The following GPHN variants were observed in gnomAD, a reference collection of about 807,000 sequenced individuals.
The protein encoded by GPHN is gephyrin.
In GPHN, 17 loss-of-function variants were observed where a neutral mutation model predicts 95.5. The observed-to-expected ratio is 0.18, with a 90% confidence interval of 0.12 to 0.27. GPHN has a LOEUF of 0.27. GPHN is among the 10% of genes least tolerant of loss of function. GPHN has a pLI of 1.00. For synonymous variants in GPHN, 320 were observed against 322.5 expected, an observed-to-expected ratio of 0.99 and a Z score of 0.08; for missense variants, 660 against 978.1, an observed-to-expected ratio of 0.67 and a Z score of 4.34.
At chr14:66,968,664 T>C (rs1799462730) in intron 9 of GPHN, among the ~76,000 whole-genome samples, 1 of 152,140 alleles carries the variant, frequency 6.6e-6, no homozygotes, top group Admixed American at 6.5e-5. Context: ...ATTAAGCAAG[T>C]TACTTAACTT....
intron 2 of GPHN, among the ~76,000 whole-genome samples, chr14:66,755,799 A>T (rs923257485): frequency 3.9e-5 from 6 of 152,180 alleles, no homozygotes; most frequent in Non-Finnish European, 8.8e-5. Flanking sequence ...ACTAATTTAA[A>T]TGCATTGTGC....
At chr14:66,967,403 G>A (rs949332399) in intron 9 of GPHN, among the ~76,000 whole-genome samples, 23 of 151,888 alleles carry the variant, frequency 1.5e-4, no homozygotes, top group Non-Finnish European at 3.1e-4. Context: ...TCTAAACTAG[G>A]TGCTTTTATA....
intron 20 of GPHN, 51 bp downstream of exon 20, chr14:67,165,277 T>A (rs1039023204): frequency 2.7e-5 from 34 of 1,255,512 alleles, no homozygotes; most frequent in Admixed American, 5.1e-5. Flanking sequence ...ATAGCCAAAA[T>A]TTTTTGGACT....
chr14:66,999,622 T>A (rs932032683), intron 9 of GPHN, among the ~76,000 whole-genome samples: 9 of 151,790 alleles, frequency 5.9e-5, no homozygotes, highest in African/African-American at 2.2e-4. Context: ...GAGATCAGTG[T>A]CTCATACAGT....
chr14:66,944,737 C>A (rs908519948), intron 8 of GPHN, among the ~76,000 whole-genome samples: 1 of 152,232 alleles, frequency 6.6e-6, no homozygotes, highest in Non-Finnish European at 1.5e-5. Context: ...TATTCTTATG[C>A]AAATAAGTTC....
Position 67,181,118 on chromosome 14 carries a change from A to C in GPHN, c.*181A>C. 1.5e-6 allele frequency: 1 copy of C among 674,770 alleles called. No individual in the cohort carries two copies. Among genetic ancestry groups the C allele is most frequent in the Non-Finnish European group, 2.5e-6 (1 of 403,684 alleles). The allele number at this position is 674,770 out of a possible 1,614,324, so 41.8% of individuals were successfully genotyped here. On this transcript the variant is annotated 3_prime_UTR_variant, in exon 23 of 23. Coordinates refer to ENST00000478722, the MANE Select transcript of GPHN (RefSeq NM_020806.5). Reference sequence around the variant, plus strand: ...TAAAGAAAAAAACACCTAAAAATAAATCTTAACAGAAAATTCTGTTCTGAT... The same window carrying C: ...TAAAGAAAAAAACACCTAAAAATAACTCTTAACAGAAAATTCTGTTCTGAT...
At chr14:66,836,334 C>A (rs1490464572) in intron 4 of GPHN, among the ~76,000 whole-genome samples, 13 of 138,120 alleles carry the variant, frequency 9.4e-5, no homozygotes, top group African/African-American at 3.6e-4. Context: ...GAAAAACAAG[C>A]AATGGGGAAA....
Position 66,877,292 on chromosome 14 carries a change from C to G in GPHN, c.295-2647C>G, listed in dbSNP as rs1015367097. Among the ~76,000 whole-genome samples the G allele has an allele frequency of 5.9e-5, 9 of 152,172 alleles. No individual in the cohort carries two copies. In the South Asian group the frequency reaches 6.2e-4, roughly 10 times the overall value. On this transcript the variant is annotated intron_variant, in intron 4 of 22. Coordinates refer to ENST00000478722, the MANE Select transcript of GPHN (RefSeq NM_020806.5). ...CACAGCCAATATCATACTGATTGGG[C>G]AAAAGCTGGAAGCATTCTCTTTGAA... is the stretch of plus-strand genomic sequence containing the variant.
chr14:67,336,555 A>T, the GPHN span: 2 of 357,090 alleles, frequency 5.6e-6, no homozygotes, highest in South Asian at 4.4e-5. Context: ...GAAAACCACT[A>T]ATCTGGATCC....
At chr14:67,509,153 A>G in the GPHN span, among the ~76,000 whole-genome samples, 1 of 152,296 alleles carries the variant, frequency 6.6e-6, no homozygotes, top group South Asian at 2.1e-4. Context: ...TTCCTATGCC[A>G]AGCAGAAAGC....
intron 18 of GPHN, 54 bp from the exon 19 acceptor site, chr14:67,159,361 A>G: frequency 1.0e-6 from 1 of 981,698 alleles, no homozygotes; most frequent in Non-Finnish European, 1.7e-6. Flanking sequence ...TAAAGTGTTG[A>G]AAGTCTAATA....
the GPHN span, chr14:67,724,671 G>C: frequency 5.4e-6 from 6 of 1,106,326 alleles, no homozygotes; most frequent in Admixed American, 1.0e-4. Context: ...ATATTGCTTT[G>C]TGTTTCCTCC....
the GPHN span, chr14:67,662,336 A>C: frequency 8.1e-6 from 6 of 744,826 alleles, no homozygotes; most frequent in Non-Finnish European, 1.3e-5. Context: ...AACCATCCCC[A>C]TCAACTGGCT....
At chr14:67,700,592 G>A in the GPHN span, among the ~76,000 whole-genome samples, 4 of 151,866 alleles carry the variant, frequency 2.6e-5, no homozygotes, top group African/African-American at 9.7e-5. Context: ...GCGGGCGCCT[G>A]TAGTCCCAGC....
At chr14:67,065,898 A>T (rs1239954622) in intron 11 of GPHN, among the ~76,000 whole-genome samples, 3 of 152,014 alleles carry the variant, frequency 2.0e-5, no homozygotes, top group Admixed American at 1.3e-4. Context: ...CCAATTTGCC[A>T]GTCTGTGTCT....
chr14:67,615,985 A>T, the GPHN span: 1 of 299,800 alleles, frequency 3.3e-6, no homozygotes, highest in Non-Finnish European at 6.5e-6. Context: ...GGAAAGTCTG[A>T]TGCAGCCAAA....
chr14:67,232,424 C>T, the GPHN span, among the ~76,000 whole-genome samples: 1 of 152,152 alleles, frequency 6.6e-6, no homozygotes, highest in Non-Finnish European at 1.5e-5. Context: ...CCCAGTCATG[C>T]CTTCAGGTGA....
At chr14:67,120,992 T>C (rs1225095171) in intron 16 of GPHN, among the ~76,000 whole-genome samples, 6 of 152,222 alleles carry the variant, frequency 3.9e-5, no homozygotes, top group Non-Finnish European at 7.3e-5. Flanking sequence ...CCACATACTA[T>C]CACTAATGAG....
chr14:67,593,956 AAG>A, the GPHN span: 1 of 1,601,196 alleles, frequency 6.2e-7, no homozygotes, highest in East Asian at 2.2e-5. Flanking sequence ...TGCTGTTCTG[AAG>A]AGAGAGCCAG....
Sources: gnomAD v4.1 joint callset for allele counts (sites outside exome capture counted in the v4.1 genomes callset) on GRCh38, gnomAD v4.1.1 for gene constraint, MANE v1.5 for transcripts, NCBI Gene and HGNC (gene_info 2026-07-23, HGNC 2026-07-21) for gene names.